Variants in FBXO25 observed in about 807,000 individuals in gnomAD.
The protein encoded by FBXO25 is F-box protein 25.
FBXO25 carries 45 observed loss-of-function variants against 51.9 expected under a neutral mutation model. The ratio of observed to expected loss-of-function variants is 0.87; its 90% confidence interval spans 0.68 to 1.11. FBXO25 has a LOEUF of 1.11. Ranked by LOEUF, FBXO25 falls within the 50% of genes most tolerant of loss-of-function variation. The pLI is 0.00. For synonymous variants in FBXO25, 199 were observed against 151.0 expected (o/e 1.32, Z -2.33); for missense variants, 507 against 428.5 (o/e 1.18, Z -1.62).
chr8:467,629 G>C, intron 9 of FBXO25: 1 of 1,282,126 alleles, frequency 7.8e-7, no homozygotes, highest in Non-Finnish European at 1.1e-6. Context: ...TGAATGCTTA[G>C]ATACACTCTG....
chr8:442,402 T>A (rs1798481685), intron 5 of FBXO25, among the ~76,000 whole-genome samples: 1 of 152,174 alleles, frequency 6.6e-6, no homozygotes, highest in African/African-American at 2.4e-5. Flanking sequence ...ACCTACAGGT[T>A]ACTTTTTTTT....
At chr8:415,681 C>G (rs1314797598) in intron 2 of FBXO25, among the ~76,000 whole-genome samples, 3 of 151,998 alleles carry the variant, frequency 2.0e-5, no homozygotes, top group African/African-American at 7.3e-5. Flanking sequence ...AAAGGGTGGC[C>G]CTGAGAAGGA....
Position 463,000 on chromosome 8 carries a change from T to C in FBXO25, c.844-7T>C. Reference sequence around the variant, plus strand: ...TGCGGATTCTGAATGGAGTTTTGTTTGTTTAGTTTTGTAGACATTTGATCC... The same window carrying C: ...TGCGGATTCTGAATGGAGTTTTGTTCGTTTAGTTTTGTAGACATTTGATCC... On this transcript the variant is annotated splice_region_variant and splice_polypyrimidine_tract_variant and intron_variant, in intron 8 of 9. Transcript: ENST00000350302. 1.9e-6 allele frequency: 3 copies of C among 1,598,962 alleles called. No individual in the cohort carries two copies. The highest frequency in any genetic ancestry group is 2.6e-6 in the Non-Finnish European group (3 of 1,174,904).
chr8:420,839 T>C (rs1797107881), intron 2 of FBXO25, among the ~76,000 whole-genome samples: 1 of 152,222 alleles, frequency 6.6e-6, no homozygotes, highest in African/African-American at 2.4e-5. Flanking sequence ...GATGGGACTG[T>C]GTTAGATTTG....
In FBXO25 at chr8:475,189, G is replaced by A. The variant is rs573672504; in HGVS notation, c.*6385G>A. 10 of 327,406 alleles carry A rather than the reference G, an allele frequency of 3.1e-5. No homozygotes were observed. The highest frequency in any genetic ancestry group is 4.7e-5 in the Non-Finnish European group (8 of 171,124). 20.3% of individuals were successfully genotyped at this position (327,406 alleles called of 1,614,324 possible). A position where few individuals can be genotyped will look rare whatever the true frequency, so the allele number is the denominator to read the frequency against. On this transcript the variant is annotated 3_prime_UTR_variant, in exon 10 of 10. Coordinates refer to ENST00000350302, the MANE Select transcript of FBXO25 (RefSeq NM_183420.2). The stretch of plus-strand genomic sequence containing the variant: ...GATGTCCACTTGTCTAGCACCATTT[G>A]TTGAAAAGACTGTCCTTTCTCCCTT...
chr8:468,384 T>A, intron 9 of FBXO25: 1 of 607,340 alleles, frequency 1.6e-6, no homozygotes, highest in Non-Finnish European at 2.1e-6. Context: ...AAGTCCCCAG[T>A]GGTTTCTTCT....
At position 472,529 on chromosome 8, in the gene FBXO25, A is replaced by T. The variant is rs1037665674; in HGVS notation, c.*3725A>T. 6.3e-5 allele frequency: 2 copies of T among 31,976 alleles called. No individual in the cohort carries two copies. Among genetic ancestry groups the T allele is most frequent in the African/African-American group, 1.2e-4 (1 of 8,266 alleles). The allele number at this position is 31,976 out of a possible 1,614,324, so 2.0% of individuals were successfully genotyped here. Reference sequence around the variant, plus strand: ...CCCACCCCCACCCCACCTGCCACCCACCACCTTGTGATCTCTTGGGTTTTG... The same window carrying T: ...CCCACCCCCACCCCACCTGCCACCCTCCACCTTGTGATCTCTTGGGTTTTG... On this transcript the variant is annotated 3_prime_UTR_variant, in exon 10 of 10. Coordinates refer to ENST00000350302, the MANE Select transcript of FBXO25 (RefSeq NM_183420.2).
In FBXO25 at chr8:477,172, A is replaced by C. The variant is rs1452063012; in HGVS notation, c.*8368A>C. On this transcript the variant is annotated 3_prime_UTR_variant, in exon 10 of 10. Coordinates refer to ENST00000350302, the MANE Select transcript of FBXO25 (RefSeq NM_183420.2). The stretch of plus-strand genomic sequence containing the variant: ...ATATTTTATTTCCTCAGTCTTTTGA[A>C]ATTTGTTGACTTGTTTAGTCATCTA... 1 of 152,192 alleles carries C rather than the reference A, an allele frequency of 6.6e-6. No homozygotes were observed. Among genetic ancestry groups the C allele is most frequent in the Non-Finnish European group, 1.5e-5 (1 of 68,038 alleles). The allele number at this position is 152,192 out of a possible 1,614,324, so 9.4% of individuals were successfully genotyped here. A position where few individuals can be genotyped will look rare whatever the true frequency, so the allele number is the denominator to read the frequency against.
chr8:454,220 G>A (rs1349868895), intron 7 of FBXO25, among the ~76,000 whole-genome samples: 1 of 152,196 alleles, frequency 6.6e-6, no homozygotes, highest in Non-Finnish European at 1.5e-5. Flanking sequence ...AAGTTCCTAA[G>A]AACATCAGAA....
At chr8:422,257 C>T (rs1797202074) in intron 2 of FBXO25, among the ~76,000 whole-genome samples, 1 of 152,222 alleles carries the variant, frequency 6.6e-6, no homozygotes, top group African/African-American at 2.4e-5. Flanking sequence ...ATATTGGCAG[C>T]AGGTACCTGT....
At chr8:462,666 G>A (rs1799887545) in intron 8 of FBXO25, among the ~76,000 whole-genome samples, 1 of 151,856 alleles carries the variant, frequency 6.6e-6, no homozygotes, top group Non-Finnish European at 1.5e-5. Flanking sequence ...AATATCATAT[G>A]TTCTCAGTTA....
chr8:455,575 C>G (rs373226223), intron 7 of FBXO25, among the ~76,000 whole-genome samples: 2 of 152,194 alleles, frequency 1.3e-5, no homozygotes, highest in Non-Finnish European at 2.9e-5. Flanking sequence ...TCATCTGTAT[C>G]TCTGTTTTTT....
intron 1 of FBXO25, among the ~76,000 whole-genome samples, chr8:412,161 T>G (rs1796516801): frequency 6.6e-6 from 1 of 152,014 alleles, no homozygotes; most frequent in Non-Finnish European, 1.5e-5. Flanking sequence ...ATACCTGGAG[T>G]CTGGTATTTC....
chr8:447,125 C>A (rs1287092604), intron 5 of FBXO25, among the ~76,000 whole-genome samples: 1 of 152,176 alleles, frequency 6.6e-6, no homozygotes, highest in Non-Finnish European at 1.5e-5. Flanking sequence ...CACTGAGAGG[C>A]TGAGTCGCAG....
At position 477,789 on chromosome 8, in the gene FBXO25, T is replaced by C. The variant is rs1800686945; in HGVS notation, c.*8985T>C. 6.6e-6 allele frequency: 1 copy of C among 152,290 alleles called. No individual in the cohort carries two copies. Among genetic ancestry groups the C allele is most frequent in the African/African-American group, 2.4e-5 (1 of 41,478 alleles). The allele number at this position is 152,290 out of a possible 1,614,324, so 9.4% of individuals were successfully genotyped here. A position where few individuals can be genotyped will look rare whatever the true frequency, so the allele number is the denominator to read the frequency against. ...ATCTGAATTTCACATACTTTTCTTA[T>C]GTCATTAGATATTACCCTTTTACAT... is the stretch of plus-strand genomic sequence containing the variant. On this transcript the variant is annotated 3_prime_UTR_variant, in exon 10 of 10. Transcript: ENST00000350302.
intron 2 of FBXO25, among the ~76,000 whole-genome samples, 168 bp downstream of exon 2, chr8:413,381 A>G (rs1796603459): frequency 6.6e-6 from 1 of 152,148 alleles, no homozygotes; most frequent in Admixed American, 6.5e-5. Context: ...TAGATTGCCT[A>G]ATATTCATAC....
intron 2 of FBXO25, among the ~76,000 whole-genome samples, chr8:416,315 A>G (rs1235694502): frequency 6.6e-6 from 1 of 152,166 alleles, no homozygotes; most frequent in East Asian, 1.9e-4. Flanking sequence ...AAACAACCGG[A>G]TCTCTTGTGT....
In FBXO25 at chr8:413,218, G is replaced by A. The variant is rs1233873565; in HGVS notation, c.134+5G>A. ...TTGTAACATCAGTCACAGCATGTAA[G>A]TTACAGCTGAGCAGAACCATGCCAT... On this transcript the variant is annotated splice_donor_5th_base_variant and intron_variant, in intron 2 of 9. Coordinates refer to ENST00000350302, the MANE Select transcript of FBXO25 (RefSeq NM_183420.2). 5 of 1,580,810 alleles carry A rather than the reference G, an allele frequency of 3.2e-6. No homozygotes were observed. The highest frequency in any genetic ancestry group is 1.4e-5 in the African/African-American group (1 of 72,394).
chr8:462,463 GTC>G (rs1799876646), intron 8 of FBXO25, among the ~76,000 whole-genome samples: 1 of 152,106 alleles, frequency 6.6e-6, no homozygotes, highest in African/African-American at 2.4e-5. Context: ...GAGTATTTAA[GTC>G]TGTTTAACAG....
Sources: gnomAD v4.1 joint callset for allele counts (sites outside exome capture counted in the v4.1 genomes callset) on GRCh38, gnomAD v4.1.1 for gene constraint, MANE v1.5 for transcripts, NCBI Gene and HGNC (gene_info 2026-07-23, HGNC 2026-07-21) for gene names.